Variants in PARP8 observed in about 807,000 individuals in gnomAD.
PARP8 encodes the protein poly(ADP-ribose) polymerase family member 8.
A neutral mutation model predicts 124.1 loss-of-function variants in PARP8; 51 were observed. That is an observed-to-expected ratio of 0.41 (90% confidence interval 0.33 to 0.52). The LOEUF is 0.52. Ranked by LOEUF, PARP8 falls within the 20% of genes least tolerant of loss-of-function variation. The probability of loss-of-function intolerance (pLI) is 0.21; values close to 1 mark genes in which losing one functional copy is unlikely to be tolerated. For missense variants in PARP8, 860 were observed against 1,018.9 expected (o/e 0.84, Z 2.12); for synonymous variants, 391 against 361.5 (o/e 1.08, Z -0.93).
intron 2 of PARP8, among the ~76,000 whole-genome samples, chr5:50,720,189 A>T (rs1004970118): frequency 6.6e-6 from 1 of 152,012 alleles, no homozygotes; most frequent in Non-Finnish European, 1.5e-5. Flanking sequence ...GAGACATTTG[A>T]TTTATCACTG....
chr5:50,686,172 C>T (rs1751836542), intron 2 of PARP8, among the ~76,000 whole-genome samples: 2 of 152,206 alleles, frequency 1.3e-5, no homozygotes, highest in African/African-American at 4.8e-5. Flanking sequence ...TTCCTAGATG[C>T]ATTGCGGATA....
chr5:50,754,645 C>A (rs1177275098), intron 3 of PARP8, among the ~76,000 whole-genome samples: 6 of 152,082 alleles, frequency 3.9e-5, no homozygotes, highest in Admixed American at 3.3e-4. Context: ...AATAAACGTA[C>A]GTATGCATGT....
chr5:50,714,540 A>G (rs1389156571), intron 2 of PARP8, among the ~76,000 whole-genome samples: 3 of 152,074 alleles, frequency 2.0e-5, no homozygotes, highest in Non-Finnish European at 2.9e-5. Context: ...CCCCGCATGC[A>G]TTAGGTAGCC....
intron 3 of PARP8, 76 bp downstream of exon 3, chr5:50,750,264 A>C (rs1295929069): frequency 3.3e-6 from 4 of 1,223,586 alleles, no homozygotes; most frequent in Non-Finnish European, 4.8e-6. Context: ...GAGATGTAAA[A>C]CGCATATAAA....
At chr5:50,701,124 A>G (rs1753551158) in intron 2 of PARP8, among the ~76,000 whole-genome samples, 1 of 152,092 alleles carries the variant, frequency 6.6e-6, no homozygotes, top group Non-Finnish European at 1.5e-5. Flanking sequence ...CAGATTTTTA[A>G]TCTTGGAGTC....
chr5:50,667,951 G>T, intron 1 of PARP8, 120 bp from the exon 2 acceptor site: 1 of 1,588,210 alleles, frequency 6.3e-7, no homozygotes, highest in Non-Finnish European at 8.5e-7. Flanking sequence ...CCGCCCTCTA[G>T]CCCTTGCCTT....
intron 20 of PARP8, 97 bp from the exon 21 acceptor site, chr5:50,828,215 A>T: frequency 7.7e-7 from 1 of 1,301,390 alleles, no homozygotes; most frequent in Non-Finnish European, 1.1e-6. Flanking sequence ...TTGGCAATCC[A>T]GAACCTTCAG....
intron 2 of PARP8, among the ~76,000 whole-genome samples, chr5:50,737,253 A>G (rs1757560944): frequency 6.6e-6 from 1 of 152,136 alleles, no homozygotes; most frequent in Non-Finnish European, 1.5e-5. Flanking sequence ...GTTCCTTAAT[A>G]GTTGCTTGCT....
At chr5:50,757,169 G>C (rs549658295) in intron 3 of PARP8, 3 of 455,822 alleles carry the variant, frequency 6.6e-6, no homozygotes, top group Non-Finnish European at 1.3e-5. Context: ...ATTGCTTCAA[G>C]ATCCTGGTTC....
In PARP8 at chr5:50,780,816, G is replaced by A. The variant is rs1428728323; in HGVS notation, c.670+2166G>A. The stretch of plus-strand genomic sequence containing the variant: ...AAGGTCATGATAGTTTTCCTCCTAC[G>A]AAAAGCAAAAATGCTTTAGAAACTT... On this transcript the variant is annotated intron_variant, in intron 9 of 25. Transcript: ENST00000281631. 3.9e-5 allele frequency among the ~76,000 whole-genome samples: 6 copies of A among 152,046 alleles called. No individual in the cohort carries two copies. In the East Asian group the frequency reaches 1.2e-3, roughly 29 times the overall value.
At position 50,667,179 on chromosome 5, in the gene PARP8, G is replaced by C. The variant is rs773430162; in HGVS notation, c.84G>C (p.Leu28=). Residue 28 remains leucine (L), a synonymous_variant, in exon 1 of 26, where the codon CTG becomes CTC. Coordinates refer to ENST00000281631, the MANE Select transcript of PARP8 (RefSeq NM_024615.4). Reference sequence around the variant, plus strand: ...AGTCCAGAGCTGAGAAGGACTGCCTGTTTGCAGGTGAGTTCTTGCTTTTCC... The same window carrying C: ...AGTCCAGAGCTGAGAAGGACTGCCTCTTTGCAGGTGAGTTCTTGCTTTTCC... ...IQKSRAEKDC[L]FADFRYSDST... 4.4e-6 allele frequency: 7 copies of C among 1,596,408 alleles called. No individual in the cohort carries two copies. The Admixed American group carries it at 1.2e-4, about 27-fold the overall frequency.
At chr5:50,766,632 G>A (rs917150874) in intron 7 of PARP8, among the ~76,000 whole-genome samples, 3 of 152,066 alleles carry the variant, frequency 2.0e-5, no homozygotes, top group Non-Finnish European at 2.9e-5. Context: ...TGTGACTAAT[G>A]CTTAATGTAG....
At chr5:50,729,932 T>A (rs943933007) in intron 2 of PARP8, among the ~76,000 whole-genome samples, 12 of 152,202 alleles carry the variant, frequency 7.9e-5, no homozygotes, top group African/African-American at 2.7e-4. Context: ...CATTTTACAA[T>A]GCAGAGTGAG....
At chr5:50,686,572 C>G (rs913580774) in intron 2 of PARP8, among the ~76,000 whole-genome samples, 12 of 152,222 alleles carry the variant, frequency 7.9e-5, no homozygotes, top group African/African-American at 2.7e-4. Context: ...GGGGCTCTGA[C>G]CCCACATTTC....
rs552188777 is a variant in PARP8 at position 50,701,225 on chromosome 5, C to T, written c.146+33100C>T. On this transcript the variant is annotated intron_variant, in intron 2 of 25. Transcript: ENST00000281631. Reference sequence around the variant, plus strand: ...TTCTTAAAAGAATGATAAAATGGAACGGGTTTCATATAGTTATTGTTAATA... The same window carrying T: ...TTCTTAAAAGAATGATAAAATGGAATGGGTTTCATATAGTTATTGTTAATA... Among the ~76,000 whole-genome samples the T allele has an allele frequency of 8.5e-5, 13 of 152,082 alleles. No individual in the cohort carries two copies. The East Asian group carries it at 1.5e-3, about 18-fold the overall frequency.
chr5:50,834,072 T>C, intron 24 of PARP8, 24 bp downstream of exon 24: 1 of 1,567,518 alleles, frequency 6.4e-7, no homozygotes, highest in Non-Finnish European at 8.8e-7. Flanking sequence ...TTTACAAACC[T>C]CATAGTGTTA....
At chr5:50,761,434 G>A (rs957592975) in intron 5 of PARP8, among the ~76,000 whole-genome samples, 1 of 151,866 alleles carries the variant, frequency 6.6e-6, no homozygotes, top group Admixed American at 6.6e-5. Flanking sequence ...TTTAGAGTTG[G>A]CAGGGGAAGT....
chr5:50,789,137 T>G (rs936456183), intron 10 of PARP8, among the ~76,000 whole-genome samples: 1 of 152,192 alleles, frequency 6.6e-6, no homozygotes, highest in African/African-American at 2.4e-5. Context: ...CTAATTGCCA[T>G]TCCTACCGCT....
rs1228076576 is a variant in PARP8, at chr5:50,789,717, T to G, written c.737+1128T>G. Among the ~76,000 whole-genome samples, 8 of 152,340 alleles carry G rather than the reference T, an allele frequency of 5.3e-5. No homozygotes were observed. In the South Asian group the frequency reaches 6.2e-4, roughly 12 times the overall value. ...AGAATTTGTGTTTATGGAGAATTCCTAGAGGATTATTCTTCCAAATCTGCA... is the reference window on the plus strand; with the variant it reads ...AGAATTTGTGTTTATGGAGAATTCCGAGAGGATTATTCTTCCAAATCTGCA... On this transcript the variant is annotated intron_variant, in intron 10 of 25. Coordinates refer to ENST00000281631, the MANE Select transcript of PARP8 (RefSeq NM_024615.4).
Sources: allele counts gnomAD v4.1 joint callset (sites outside exome capture counted in the v4.1 genomes callset), GRCh38; gene constraint gnomAD v4.1.1; transcripts MANE v1.5; gene names NCBI Gene and HGNC (gene_info 2026-07-23, HGNC 2026-07-21).